Variants in IRF8 observed in about 807,000 individuals in gnomAD.
The protein encoded by IRF8 is interferon regulatory factor 8.
Under a neutral mutation model 48.7 loss-of-function variants are expected in IRF8, and 14 were observed. The observed-to-expected ratio is 0.29, with a 90% CI of 0.19 to 0.45. The LOEUF (loss-of-function observed/expected upper bound fraction) is 0.45, where lower values mean the gene tolerates loss of function less well. Among genes scored for constraint, IRF8 ranks in the 20% least tolerant of loss-of-function variants. IRF8 has a pLI of 1.00. For synonymous variants in IRF8, 278 were observed against 227.3 expected (o/e 1.22, Z -2.01); for missense variants, 493 against 580.7 (o/e 0.85, Z 1.55).
chr16:85,914,488 C>A lies in IRF8; in HGVS notation c.569C>A (p.Thr190Lys). 6.2e-7 allele frequency: 1 copy of A among 1,614,100 alleles called. No homozygotes were observed. Among genetic ancestry groups the A allele is most frequent in the Non-Finnish European group, 8.5e-7 (1 of 1,179,984 alleles). ...TCTCCTGCAGGCGTGCCGCTGGTGA[C>A]GGGGTACACCACCTACGACGCGCAC... is the stretch of plus-strand genomic sequence containing the variant. ...QQPSTGVPLV[T>K]GYTTYDAHHS... Residue 190 changes from threonine to lysine, a missense_variant, in exon 6 of 9, where the codon ACG becomes AAG. Coordinates refer to ENST00000268638, the MANE Select transcript of IRF8 (RefSeq NM_002163.4).
At chr16:85,907,404 G>T (rs1342404892) in intron 2 of IRF8, among the ~76,000 whole-genome samples, 1 of 152,260 alleles carries the variant, frequency 6.6e-6, no homozygotes, top group Admixed American at 6.5e-5. Context: ...CCTGGGCCGG[G>T]CGCGGTGGCT....
chr16:85,919,345 G>T (rs13338943), intron 7 of IRF8, among the ~76,000 whole-genome samples: 17,672 of 152,142 alleles, frequency 0.12, 1,146 homozygotes, highest in Middle Eastern at 0.16. Flanking sequence ...GTCTCCTGGA[G>T]GGTTAGGATG....
In IRF8 at chr16:85,921,788, T is replaced by C; in HGVS notation, c.*506T>C. The C allele has an allele frequency of 5.4e-6, 1 of 184,288 alleles. No homozygotes were observed. Among genetic ancestry groups the C allele is most frequent in the Admixed American group, 5.5e-5 (1 of 18,298 alleles). 11.4% of individuals were successfully genotyped at this position (184,288 alleles called of 1,614,324 possible). A position where few individuals can be genotyped will look rare whatever the true frequency, so the allele number is the denominator to read the frequency against. On this transcript the variant is annotated 3_prime_UTR_variant, in exon 9 of 9. Coordinates refer to ENST00000268638, the MANE Select transcript of IRF8 (RefSeq NM_002163.4). ...TATGCATTTTAATAAGATTTAAAAA[T>C]ATTTAGATTAAAGCCCCCTTTAATG...
chr16:85,914,582 C>T, intron 6 of IRF8, 62 bp downstream of exon 6: 1 of 1,595,476 alleles, frequency 6.3e-7, no homozygotes. Context: ...CCCAGATAAC[C>T]CAAGCAGGGT....
At chr16:85,916,787 G>A (rs994129857) in intron 6 of IRF8, among the ~76,000 whole-genome samples, 1 of 152,260 alleles carries the variant, frequency 6.6e-6, no homozygotes, top group Non-Finnish European at 1.5e-5. Context: ...GAGTCCGCAG[G>A]CAGTGCAGAA....
intron 7 of IRF8, among the ~76,000 whole-genome samples, chr16:85,919,435 C>T (rs749337721): frequency 5.9e-5 from 9 of 152,210 alleles, no homozygotes; most frequent in Non-Finnish European, 1.3e-4. Flanking sequence ...CAGGTCTCAG[C>T]TGCCACTGGC....
chr16:85,903,324 G>A, intron 2 of IRF8, 135 bp downstream of exon 2: 2 of 836,448 alleles, frequency 2.4e-6, no homozygotes, highest in East Asian at 2.7e-5. Flanking sequence ...CATTGGTTCA[G>A]GAGTGCTGAA....
Position 85,918,530 on chromosome 16 carries a change from A to G in IRF8, c.715A>G (p.Thr239Ala). Residue 239 changes from threonine to alanine, a missense_variant, in exon 7 of 9, where the codon ACC (threonine) becomes GCC (alanine). Around this residue, in one of 3 missense-constraint regions of IRF8, gnomAD observed 408 missense variants for 449.6 expected, o/e 0.91. Coordinates refer to ENST00000268638, the MANE Select transcript of IRF8 (RefSeq NM_002163.4). ...CCTGAGCCAGCCTGGGCTGCCCGGCACCAAGCTGTATGGGCCCGAGGGCCT... is the reference window on the plus strand; with the variant it reads ...CCTGAGCCAGCCTGGGCTGCCCGGCGCCAAGCTGTATGGGCCCGAGGGCCT... The part of the protein sequence containing the change: ...LSLSQPGLPG[T>A]KLYGPEGLEL... The G allele has an allele frequency of 6.2e-7, 1 of 1,600,546 alleles. No individual in the cohort carries two copies. The highest frequency in any genetic ancestry group is 1.3e-5 in the African/African-American group (1 of 74,924).
Position 85,903,138 on chromosome 16 carries a change from A to G in IRF8, c.123A>G (p.Lys41=). The G allele has an allele frequency of 6.2e-7, 1 of 1,614,208 alleles. No individual in the cohort carries two copies. Among genetic ancestry groups the G allele is most frequent in the Non-Finnish European group, 8.5e-7 (1 of 1,180,032 alleles). ...AGAGCATGTTCCGGATCCCTTGGAAACACGCTGGCAAGCAAGATTATAATC... is the reference window on the plus strand; with the variant it reads ...AGAGCATGTTCCGGATCCCTTGGAAGCACGCTGGCAAGCAAGATTATAATC... The part of the protein sequence containing the change: ...EEKSMFRIPW[K]HAGKQDYNQE... Residue 41 remains lysine (K), a synonymous_variant, in exon 2 of 9, where the codon AAA becomes AAG. Transcript: ENST00000268638.
chr16:85,916,617 G>A (rs1482397590), intron 6 of IRF8, among the ~76,000 whole-genome samples: 2 of 152,252 alleles, frequency 1.3e-5, no homozygotes, highest in African/African-American at 4.8e-5. Context: ...TGTTCCGGGT[G>A]AAGCTGCCAG....
In IRF8 at chr16:85,921,602, CT is replaced by C; in HGVS notation, c.*322del. On this transcript the variant is annotated 3_prime_UTR_variant, in exon 9 of 9. Coordinates refer to ENST00000268638, the MANE Select transcript of IRF8 (RefSeq NM_002163.4). ...TTCGGTTAACTATCATTTCCAAAGA[CT>C]TGTCATTCAGTAATATTAGCAGATA... 1.6e-5 allele frequency: 6 copies of C among 374,284 alleles called. No individual in the cohort carries two copies. Among genetic ancestry groups the C allele is most frequent in the Non-Finnish European group, 3.0e-5 (6 of 198,950 alleles). 23.2% of individuals were successfully genotyped at this position (374,284 alleles called of 1,614,324 possible).
chr16:85,904,367 C>A (rs1229502979), intron 2 of IRF8, among the ~76,000 whole-genome samples: 6 of 152,146 alleles, frequency 3.9e-5, no homozygotes. Flanking sequence ...CTGTAGGAGC[C>A]CATGACAGTG....
At position 85,921,015 on chromosome 16, in the gene IRF8, G is replaced by A. The variant is rs1597258204; in HGVS notation, c.1105-91G>A. ...CACTTGGGACTCACGTGGCACTGGG[G>A]TCATCAGAGGACCTGGCTAGGGTCA... On this transcript the variant is annotated intron_variant, in intron 8 of 8. Coordinates refer to ENST00000268638, the MANE Select transcript of IRF8 (RefSeq NM_002163.4). The A allele has an allele frequency of 4.6e-6, 6 of 1,296,696 alleles. No homozygotes were observed. In the Admixed American group the frequency reaches 7.9e-5, roughly 17 times the overall value. The allele number at this position is 1,296,696 out of a possible 1,614,324, so 80.3% of individuals were successfully genotyped here. A position where few individuals can be genotyped will look rare whatever the true frequency, so the allele number is the denominator to read the frequency against.
At chr16:85,913,290 C>A in intron 5 of IRF8, 54 bp downstream of exon 5, 1 of 1,269,074 alleles carries the variant, frequency 7.9e-7, no homozygotes, top group Non-Finnish European at 1.2e-6. Flanking sequence ...GGGTTTACGG[C>A]ATTCCACCAG....
chr16:85,910,177 G>A (rs1905104815), intron 3 of IRF8, among the ~76,000 whole-genome samples: 1 of 152,240 alleles, frequency 6.6e-6, no homozygotes, highest in South Asian at 2.1e-4. Flanking sequence ...CAGCATGATG[G>A]TAAAGATGGT....
chr16:85,904,964 G>A (rs1195541167), intron 2 of IRF8, among the ~76,000 whole-genome samples: 3 of 152,072 alleles, frequency 2.0e-5, no homozygotes, highest in African/African-American at 7.2e-5. Context: ...CCTCGCCACT[G>A]TTGATGTCTG....
At chr16:85,900,137 T>G (rs567479290) in intron 1 of IRF8, among the ~76,000 whole-genome samples, 1 of 152,316 alleles carries the variant, frequency 6.6e-6, no homozygotes, top group Admixed American at 6.5e-5. Context: ...GCTTTGGTGC[T>G]TTCTGGTCTA....
intron 6 of IRF8, chr16:85,918,210 A>G: frequency 1.7e-6 from 1 of 588,794 alleles, no homozygotes; most frequent in South Asian, 2.3e-5. Flanking sequence ...ATGTTCAGTC[A>G]TTGGTTTCCT....
At chr16:85,902,638 G>A in intron 1 of IRF8, 1 of 319,046 alleles carries the variant, frequency 3.1e-6, no homozygotes, top group Non-Finnish European at 6.1e-6. Flanking sequence ...GGAACCTGGT[G>A]CTGTAAAAGT....
Sources: allele counts gnomAD v4.1 joint callset (sites outside exome capture counted in the v4.1 genomes callset), GRCh38; gene constraint gnomAD v4.1.1; regional missense constraint gnomAD v4.1.1; transcripts MANE v1.5; gene names NCBI Gene and HGNC (gene_info 2026-07-23, HGNC 2026-07-21).